Variants in ARNT2 observed in about 807,000 individuals in gnomAD.
The protein encoded by ARNT2 is ARNT protein 2.
ARNT2 carries 36 observed loss-of-function variants against 91.7 expected under a neutral mutation model. The observed-to-expected ratio is 0.39, with a 90% CI of 0.30 to 0.52. The LOEUF is 0.52. ARNT2 is among the 20% of genes least tolerant of loss of function. ARNT2 has a pLI of 0.72. For synonymous variants in ARNT2, 365 were observed against 347.1 expected (o/e 1.05, Z -0.57); for missense variants, 775 against 939.3 (o/e 0.83, Z 2.29).
chr15:80,489,155 C>G (rs1389949952), intron 5 of ARNT2, among the ~76,000 whole-genome samples: 1 of 152,144 alleles, frequency 6.6e-6, no homozygotes, highest in Non-Finnish European at 1.5e-5. Flanking sequence ...AGCTTTGTTG[C>G]AAAAACTCCA....
At chr15:80,520,530 GTGTAGATC>G (rs1312133909) in intron 8 of ARNT2, among the ~76,000 whole-genome samples, 1 of 151,716 alleles carries the variant, frequency 6.6e-6, no homozygotes, top group African/African-American at 2.4e-5. Context: ...ACATTTAAGA[GTGTAGATC>G]TCATGTTGTG....
At chr15:80,525,285 TC>T (rs139589426) in intron 8 of ARNT2, among the ~76,000 whole-genome samples, 7,412 of 152,202 alleles carry the variant, frequency 0.049, 231 homozygotes, top group East Asian at 0.1. Context: ...CAACACCATC[TC>T]CATACATGAT....
chr15:80,501,496 G>A (rs1359493396), intron 5 of ARNT2, among the ~76,000 whole-genome samples: 4 of 152,186 alleles, frequency 2.6e-5, no homozygotes, highest in Non-Finnish European at 5.9e-5. Context: ...TTTCTAAAAC[G>A]ACCATGTTAG....
At position 80,534,148 on chromosome 15, in the gene ARNT2, T is replaced by C. The variant is rs114464982; in HGVS notation, c.878-17051T>C. 6.4e-3 allele frequency among the ~76,000 whole-genome samples: 974 copies of C among 152,348 alleles called. 11 individuals are homozygous for C. Among genetic ancestry groups the C allele is most frequent in the African/African-American group, 0.022 (929 of 41,584 alleles). On this transcript the variant is annotated intron_variant, in intron 8 of 18. Transcript: ENST00000303329. Reference sequence around the variant, plus strand: ...TTTTAGAATTAAACTCCTACCATCATCAGGCATGTTATCTCTCAATTTGAT... The same window carrying C: ...TTTTAGAATTAAACTCCTACCATCACCAGGCATGTTATCTCTCAATTTGAT...
intron 14 of ARNT2, among the ~76,000 whole-genome samples, chr15:80,576,231 G>A (rs190695648): frequency 7.9e-5 from 12 of 152,194 alleles, no homozygotes; most frequent in Admixed American, 5.9e-4. Flanking sequence ...TCCCTACACC[G>A]CAGGGTTGGA....
chr15:80,450,926 C>A lies in ARNT2; in HGVS notation c.78C>A (p.Pro26=). 11 of 1,614,222 alleles carry A rather than the reference C, an allele frequency of 6.8e-6. No homozygotes were observed. Among genetic ancestry groups the A allele is most frequent in the Non-Finnish European group, 9.3e-6 (11 of 1,180,052 alleles). ...GATCTGTGACGTTGCCCGTTGCCCC[C>A]ATGGCGGCCACCGGACAGGTGAGGA... ...IPGSVTLPVA[P]MAATGQVRMA... is the part of the protein sequence containing the mutation. Residue 26 remains proline (P), a synonymous_variant, in exon 2 of 19, where the codon CCC becomes CCA. Coordinates refer to ENST00000303329, the MANE Select transcript of ARNT2 (RefSeq NM_014862.4).
At chr15:80,533,127 G>A (rs1474921605) in intron 8 of ARNT2, among the ~76,000 whole-genome samples, 2 of 152,228 alleles carry the variant, frequency 1.3e-5, no homozygotes, top group Non-Finnish European at 1.5e-5. Context: ...TGACAGCCAG[G>A]GAGGGCCATG....
chr15:80,464,724 G>A lies in ARNT2; in HGVS notation c.195-5494G>A, dbSNP rs575272160. On this transcript the variant is annotated intron_variant, in intron 3 of 18. Transcript: ENST00000303329. The stretch of plus-strand genomic sequence containing the variant: ...TCTGACCAGCCTCCATGGGGCTCCT[G>A]AAATGGCTTTCTTCTGGCCTTCATG... Among the ~76,000 whole-genome samples, 3 of 152,316 alleles carry A rather than the reference G, an allele frequency of 2.0e-5. No homozygotes were observed. The South Asian group carries it at 6.2e-4, about 32-fold the overall frequency.
At chr15:80,496,249 T>G (rs1897125162) in intron 5 of ARNT2, among the ~76,000 whole-genome samples, 1 of 152,124 alleles carries the variant, frequency 6.6e-6, no homozygotes, top group African/African-American at 2.4e-5. Flanking sequence ...GGGACTGGGC[T>G]GTCTTCTATA....
At chr15:80,503,485 G>A (rs1432200064) in intron 5 of ARNT2, among the ~76,000 whole-genome samples, 3 of 152,190 alleles carry the variant, frequency 2.0e-5, no homozygotes, top group Non-Finnish European at 1.5e-5. Context: ...ACAGATCATG[G>A]AAGTGTGTTT....
chr15:80,497,521 C>T (rs1897138103), intron 5 of ARNT2, among the ~76,000 whole-genome samples: 1 of 152,230 alleles, frequency 6.6e-6, no homozygotes, highest in East Asian at 1.9e-4. Context: ...TAAGTAATAG[C>T]CCAGCCCAGA....
At chr15:80,565,047 C>A (rs548388179) in intron 12 of ARNT2, among the ~76,000 whole-genome samples, 1 of 152,056 alleles carries the variant, frequency 6.6e-6, no homozygotes, top group South Asian at 2.1e-4. Context: ...CTCAGCCTCC[C>A]GAGTAGCTGG....
chr15:80,470,993 G>A (rs758624182), intron 4 of ARNT2, among the ~76,000 whole-genome samples: 23 of 152,182 alleles, frequency 1.5e-4, no homozygotes, highest in East Asian at 3.8e-4. Context: ...AGCTAAAAAC[G>A]GAAATACCAT....
chr15:80,560,448 G>A (rs1417147177), intron 11 of ARNT2, among the ~76,000 whole-genome samples: 1 of 152,174 alleles, frequency 6.6e-6, no homozygotes, highest in Non-Finnish European at 1.5e-5. Context: ...GGACCCAGGA[G>A]GGTGCAGAAC....
chr15:80,564,338 G>A (rs1324775832), intron 12 of ARNT2, among the ~76,000 whole-genome samples: 1 of 152,114 alleles, frequency 6.6e-6, no homozygotes. Context: ...GAACTTGCCT[G>A]GCTCTGCCCT....
chr15:80,576,900 A>G lies in ARNT2; in HGVS notation c.1548A>G (p.Ala516=), dbSNP rs1221794165. ...AGATGATGAGCTCAGCCTCTGCAGC[A>G]GGAACCCAGCAGATCTACTCCCAAG... ...EKKMMSSASA[A]GTQQIYSQGS... The change falls in exon 15 of 19, where the codon GCA becomes GCG. Residue 516 remains alanine, a synonymous_variant. Coordinates refer to ENST00000303329, the MANE Select transcript of ARNT2 (RefSeq NM_014862.4). 6.2e-7 allele frequency: 1 copy of G among 1,614,102 alleles called. No individual in the cohort carries two copies. The highest frequency in any genetic ancestry group is 1.7e-5 in the Admixed American group (1 of 60,020).
intron 3 of ARNT2, among the ~76,000 whole-genome samples, chr15:80,459,973 T>G (rs932762319): frequency 6.6e-6 from 1 of 152,194 alleles, no homozygotes; most frequent in Non-Finnish European, 1.5e-5. Flanking sequence ...CCCTCCACTT[T>G]GCAGTGACTG....
intron 1 of ARNT2, among the ~76,000 whole-genome samples, chr15:80,416,667 T>G (rs1415548249): frequency 2.6e-5 from 4 of 152,228 alleles, no homozygotes; most frequent in African/African-American, 9.6e-5. Context: ...TACCTTAACA[T>G]TTTTGCCAAG....
At position 80,591,210 on chromosome 15, in the gene ARNT2, G is replaced by A. The variant is rs1258873864; in HGVS notation, c.1919-358G>A. Among the ~76,000 whole-genome samples the A allele has an allele frequency of 2.0e-5, 3 of 152,146 alleles. No homozygotes were observed. Among genetic ancestry groups the A allele is most frequent in the African/African-American group, 4.8e-5 (2 of 41,412 alleles). Reference sequence around the variant, plus strand: ...CCCTCTCTCAGCCCACACTCTGCATGCAACAGATATGCCCCTTGCCCCCCA... The same window carrying A: ...CCCTCTCTCAGCCCACACTCTGCATACAACAGATATGCCCCTTGCCCCCCA... On this transcript the variant is annotated intron_variant, in intron 17 of 18. Transcript: ENST00000303329. The surrounding 1 kb of genome is among the most constrained non-coding windows in gnomAD (Gnocchi z 5.1).
Sources: allele counts gnomAD v4.1 joint callset (sites outside exome capture counted in the v4.1 genomes callset), GRCh38; gene constraint gnomAD v4.1.1; non-coding constraint Gnocchi (gnomAD v3.1); transcripts MANE v1.5; gene names NCBI Gene and HGNC (gene_info 2026-07-23, HGNC 2026-07-21).